LRRC7: variants seen among roughly 807,000 people sequenced by gnomAD.
The protein encoded by LRRC7 is leucine-rich repeat-containing protein 7.
In LRRC7, 23 loss-of-function variants were observed where a neutral mutation model predicts 175.7. The observed-to-expected ratio is 0.13, with a 90% CI of 0.09 to 0.19. LRRC7 has a LOEUF of 0.19. Ranked by LOEUF, LRRC7 falls within the 10% of genes least tolerant of loss-of-function variation. The probability of loss-of-function intolerance (pLI) is 1.00; values close to 1 mark genes in which losing one functional copy is unlikely to be tolerated. For missense variants in LRRC7, 1,354 were observed against 1,904.7 expected, an observed-to-expected ratio of 0.71 and a Z score of 5.38; for synonymous variants, 685 against 680.9, an observed-to-expected ratio of 1.01 and a Z score of -0.09.
intron 2 of LRRC7, among the ~76,000 whole-genome samples, chr1:69,705,824 A>T (rs982884162): frequency 6.6e-6 from 1 of 152,126 alleles, no homozygotes; most frequent in Non-Finnish European, 1.5e-5. Context: ...GACCAGAATG[A>T]CCTCTAATTT....
chr1:69,636,301 T>C (rs1028055990), intron 1 of LRRC7, among the ~76,000 whole-genome samples: 1 of 151,988 alleles, frequency 6.6e-6, no homozygotes, highest in Non-Finnish European at 1.5e-5. Context: ...GTTAGGCATT[T>C]TTCTTAGGCA....
At chr1:69,615,485 GGAGTTGACAT>G (rs1399361205) in intron 1 of LRRC7, among the ~76,000 whole-genome samples, 3 of 151,932 alleles carry the variant, frequency 2.0e-5, no homozygotes, top group African/African-American at 7.2e-5. Flanking sequence ...CAGACAACAT[GGAGTTGACAT>G]TGTTAAGCTA....
intron 18 of LRRC7, among the ~76,000 whole-genome samples, chr1:70,032,965 C>A (rs1213190893): frequency 1.3e-5 from 2 of 152,174 alleles, no homozygotes; most frequent in East Asian, 3.8e-4. Context: ...CAAAAATTTC[C>A]TCTGTCATTG....
At chr1:69,689,701 A>G (rs1661603963) in intron 2 of LRRC7, among the ~76,000 whole-genome samples, 1 of 152,160 alleles carries the variant, frequency 6.6e-6, no homozygotes, top group African/African-American at 2.4e-5. Context: ...ATTTTAGTAC[A>G]AGGGGGCTCA....
At chr1:69,785,585 A>G (rs539854726) in intron 3 of LRRC7, among the ~76,000 whole-genome samples, 2 of 152,072 alleles carry the variant, frequency 1.3e-5, no homozygotes. Flanking sequence ...TATATTTATC[A>G]AAGTCTTTTC....
At chr1:69,986,112 C>A in intron 9 of LRRC7, 130 bp from the exon 10 acceptor site, 1 of 808,926 alleles carries the variant, frequency 1.2e-6, no homozygotes, top group Non-Finnish European at 1.9e-6. Flanking sequence ...AATTCCTCCA[C>A]ATTCTTGCCA....
intron 7 of LRRC7, among the ~76,000 whole-genome samples, chr1:69,880,792 TGC>T (rs1477555864): frequency 4.6e-5 from 7 of 152,188 alleles, no homozygotes; most frequent in Admixed American, 6.5e-5. Flanking sequence ...TTACAAAAAC[TGC>T]TTCTAGGTTG....
intron 24 of LRRC7, among the ~76,000 whole-genome samples, chr1:70,080,824 A>G (rs917725628): frequency 4.6e-5 from 7 of 152,202 alleles, no homozygotes; most frequent in Non-Finnish European, 8.8e-5. Flanking sequence ...AGTTGTATTA[A>G]GTAGTGAACT....
At chr1:70,074,026 C>A (rs1307567153) in intron 23 of LRRC7, among the ~76,000 whole-genome samples, 1 of 152,000 alleles carries the variant, frequency 6.6e-6, no homozygotes, top group African/African-American at 2.4e-5. Context: ...CATGGTGAAA[C>A]CCTGTCTCTA....
intron 4 of LRRC7, among the ~76,000 whole-genome samples, chr1:69,794,074 G>A (rs1675432698): frequency 6.6e-6 from 1 of 152,182 alleles, no homozygotes; most frequent in Admixed American, 6.5e-5. Flanking sequence ...TAAGACTGCT[G>A]TATTATTAGG....
intron 25 of LRRC7, among the ~76,000 whole-genome samples, chr1:70,106,885 A>G (rs1255787289): frequency 6.6e-6 from 1 of 152,212 alleles, no homozygotes; most frequent in Non-Finnish European, 1.5e-5. Context: ...TCTTGGAAGA[A>G]CCTAACACAC....
intron 4 of LRRC7, among the ~76,000 whole-genome samples, chr1:69,813,594 T>A (rs1678220421): frequency 6.6e-6 from 1 of 152,196 alleles, no homozygotes; most frequent in Admixed American, 6.6e-5. Flanking sequence ...CAATTTTCCA[T>A]TTTTTAAATT....
chr1:69,606,666 A>G (rs554783110), intron 1 of LRRC7, among the ~76,000 whole-genome samples: 86 of 152,236 alleles, frequency 5.6e-4, no homozygotes, highest in Middle Eastern at 6.8e-3. Flanking sequence ...AAGGTAAAGT[A>G]TACTTTTGAT....
chr1:69,704,558 A>C (rs1030605960), intron 2 of LRRC7, among the ~76,000 whole-genome samples: 2 of 152,004 alleles, frequency 1.3e-5, no homozygotes, highest in Non-Finnish European at 2.9e-5. Context: ...TATTTCATGA[A>C]AGTTAACATT....
chr1:70,004,233 TG>T (rs1655798355), intron 11 of LRRC7, among the ~76,000 whole-genome samples: 1 of 152,262 alleles, frequency 6.6e-6, no homozygotes, highest in South Asian at 2.1e-4. Context: ...GGTACTAAAA[TG>T]GGGTGTGTTT....
At chr1:69,597,250 G>A (rs1436498553) in intron 1 of LRRC7, among the ~76,000 whole-genome samples, 1 of 152,098 alleles carries the variant, frequency 6.6e-6, no homozygotes, top group Non-Finnish European at 1.5e-5. Flanking sequence ...GTAAAAGACA[G>A]GGGTTAGATA....
At chr1:69,735,889 C>T (rs1039919390) in intron 2 of LRRC7, among the ~76,000 whole-genome samples, 10 of 151,898 alleles carry the variant, frequency 6.6e-5, no homozygotes, top group African/African-American at 2.2e-4. Context: ...CTGCCTCTCT[C>T]CCCCTACCAC....
intron 1 of LRRC7, among the ~76,000 whole-genome samples, chr1:69,647,996 T>G (rs1454134431): frequency 6.7e-6 from 1 of 150,208 alleles, no homozygotes; most frequent in Non-Finnish European, 1.5e-5. Context: ...ATATAAAATG[T>G]TTTCAAAAGT....
Position 70,122,084 on chromosome 1 carries a change from G to A in LRRC7, c.*197G>A, listed in dbSNP as rs534668498. 4.5e-5 allele frequency: 19 copies of A among 419,048 alleles called. No individual in the cohort carries two copies. In the South Asian group the frequency reaches 9.2e-4, roughly 20 times the overall value. The allele number at this position is 419,048 out of a possible 1,614,324, so 26.0% of individuals were successfully genotyped here. ...ATGATGTTCATGTGGTTATGTATTA[G>A]TTTTAATTGTCAGCCTCTGGCTGTG... On this transcript the variant is annotated 3_prime_UTR_variant, in exon 27 of 27. Transcript: ENST00000651989.
Sources: allele counts gnomAD v4.1 joint callset (sites outside exome capture counted in the v4.1 genomes callset), GRCh38; gene constraint gnomAD v4.1.1; transcripts MANE v1.5; gene names NCBI Gene and HGNC (gene_info 2026-07-23, HGNC 2026-07-21).